Variants in UNC13C observed in about 807,000 individuals in gnomAD.
The protein encoded by UNC13C is protein unc-13 homolog C.
In UNC13C, 174 loss-of-function variants were observed where a neutral mutation model predicts 245.4. The ratio of observed to expected loss-of-function variants is 0.71; its 90% confidence interval spans 0.63 to 0.80. UNC13C has a LOEUF of 0.80. Among genes scored for constraint, UNC13C ranks in the 30% least tolerant of loss-of-function variants. The pLI is 0.00. For synonymous variants in UNC13C, 992 were observed against 895.1 expected (o/e 1.11, Z -1.93); for missense variants, 2,829 against 2,602.9 (o/e 1.09, Z -1.89).
rs1893516941 is a variant in UNC13C, at chr15:54,488,066, T to C, written c.4934-6542T>C. On this transcript the variant is annotated intron_variant, in intron 19 of 32. Transcript: ENST00000260323. ...TATAAAGTTTCTCTAAAATGGAAAA[T>C]GGCAACTCATCCTACCTTATTTTTT... is the stretch of plus-strand genomic sequence containing the variant. 2.0e-5 allele frequency among the ~76,000 whole-genome samples: 3 copies of C among 152,268 alleles called. 1 individual carries two copies. Among genetic ancestry groups the C allele is most frequent in the South Asian group, 4.1e-4 (2 of 4,828 alleles).
At chr15:54,479,402 T>G (rs1024726440) in intron 19 of UNC13C, among the ~76,000 whole-genome samples, 1 of 152,164 alleles carries the variant, frequency 6.6e-6, no homozygotes, top group African/African-American at 2.4e-5. Flanking sequence ...TCCTGCATGC[T>G]TTTGATTTCC....
At chr15:54,200,344 T>TG (rs112992738) in intron 4 of UNC13C, among the ~76,000 whole-genome samples, 2 of 152,146 alleles carry the variant, frequency 1.3e-5, no homozygotes, top group African/African-American at 4.8e-5. Flanking sequence ...AATAGATACT[T>TG]GCAGAACTTT....
chr15:54,303,111 G>T (rs1489655699), intron 13 of UNC13C, among the ~76,000 whole-genome samples: 1 of 152,094 alleles, frequency 6.6e-6, no homozygotes, highest in Non-Finnish European at 1.5e-5. Context: ...TTTGTTATTG[G>T]ATCCCTGACT....
chr15:54,626,698 CACTGATATCCTATTTGCCA>C, intron 32 of UNC13C, 111 bp from the exon 33 acceptor site: 1 of 838,538 alleles, frequency 1.2e-6, no homozygotes, highest in South Asian at 1.9e-5. Context: ...GGTTAAAATA[CACTGATATCCTATTTGCCA>C]ACATAATAAT....
At chr15:54,438,417 C>A (rs1890337880) in intron 19 of UNC13C, among the ~76,000 whole-genome samples, 1 of 151,958 alleles carries the variant, frequency 6.6e-6, no homozygotes, top group African/African-American at 2.4e-5. Flanking sequence ...TTGTCTAAGT[C>A]TTTGTGTTCA....
intron 4 of UNC13C, among the ~76,000 whole-genome samples, chr15:54,165,513 G>A (rs376646578): frequency 6.6e-6 from 1 of 152,072 alleles, no homozygotes; most frequent in African/African-American, 2.4e-5. Flanking sequence ...GACAGAGCTA[G>A]GTTCTGATTC....
At chr15:54,245,070 C>G (rs1321785143) in intron 7 of UNC13C, among the ~76,000 whole-genome samples, 1 of 152,080 alleles carries the variant, frequency 6.6e-6, no homozygotes, top group East Asian at 1.9e-4. Context: ...AATGCAGTCT[C>G]CACCCCAAGC....
the UNC13C span, among the ~76,000 whole-genome samples, chr15:53,939,991 T>C: frequency 6.6e-6 from 1 of 152,150 alleles, no homozygotes; most frequent in African/African-American, 2.4e-5. Flanking sequence ...GTGATGTTTA[T>C]GGTAGCAGCT....
intron 19 of UNC13C, among the ~76,000 whole-genome samples, chr15:54,493,472 G>C (rs1893813458): frequency 6.6e-6 from 1 of 151,720 alleles, no homozygotes; most frequent in Admixed American, 6.6e-5. Context: ...GGAAATGTTT[G>C]ACCTGGGGTT....
At chr15:54,465,551 A>G (rs1371597075) in intron 19 of UNC13C, among the ~76,000 whole-genome samples, 1 of 152,072 alleles carries the variant, frequency 6.6e-6, no homozygotes, top group African/African-American at 2.4e-5. Context: ...TTATTGAATT[A>G]TGAGAATTTG....
chr15:54,325,356 T>A (rs2038271803), intron 14 of UNC13C, among the ~76,000 whole-genome samples: 1 of 151,958 alleles, frequency 6.6e-6, no homozygotes, highest in African/African-American at 2.4e-5. Context: ...GCCACCTAGT[T>A]GGGTTATAGC....
At chr15:54,083,937 C>T (rs539338525) in intron 2 of UNC13C, among the ~76,000 whole-genome samples, 2 of 152,302 alleles carry the variant, frequency 1.3e-5, no homozygotes, top group South Asian at 4.1e-4. Context: ...AACCTCTGCG[C>T]GAACTCGCTA....
chr15:54,171,167 G>C (rs1020636676), intron 4 of UNC13C, among the ~76,000 whole-genome samples: 3 of 151,956 alleles, frequency 2.0e-5, no homozygotes, highest in Non-Finnish European at 4.4e-5. Context: ...CCAAACCCTA[G>C]GTTGCGAGCA....
chr15:54,539,205 T>C (rs1896130858), intron 26 of UNC13C, among the ~76,000 whole-genome samples: 1 of 152,088 alleles, frequency 6.6e-6, no homozygotes, highest in Non-Finnish European at 1.5e-5. Flanking sequence ...GGTTGCCTTC[T>C]TACTACATAA....
the UNC13C span, among the ~76,000 whole-genome samples, chr15:53,845,420 A>G: frequency 1.3e-5 from 2 of 152,190 alleles, no homozygotes; most frequent in African/African-American, 2.4e-5. Context: ...CCTCACAACT[A>G]GAATCAGAAG....
chr15:54,185,526 G>A (rs2033948118), intron 4 of UNC13C, among the ~76,000 whole-genome samples: 1 of 150,648 alleles, frequency 6.6e-6, no homozygotes, highest in South Asian at 2.1e-4. Context: ...ATTAAATAGG[G>A]AATCCTTTCC....
intron 22 of UNC13C, 107 bp from the exon 23 acceptor site, chr15:54,507,010 A>T (rs1029873540): frequency 1.5e-6 from 1 of 647,820 alleles, no homozygotes; most frequent in South Asian, 2.7e-5. Flanking sequence ...AAAAATGTAG[A>T]ACTAAGATGA....
intron 4 of UNC13C, among the ~76,000 whole-genome samples, chr15:54,199,144 GA>G (rs371691599): frequency 6.6e-6 from 1 of 151,970 alleles, no homozygotes; most frequent in East Asian, 1.9e-4. Context: ...CAAAGACAAA[GA>G]AAAAAGATTT....
At chr15:54,483,559 G>A (rs750868228) in intron 19 of UNC13C, among the ~76,000 whole-genome samples, 7 of 151,900 alleles carry the variant, frequency 4.6e-5, no homozygotes, top group Admixed American at 1.3e-4. Flanking sequence ...GCAGTGGCGC[G>A]ATCTCAGCTC....
Sources: allele counts gnomAD v4.1 joint callset (sites outside exome capture counted in the v4.1 genomes callset), GRCh38; gene constraint gnomAD v4.1.1; transcripts MANE v1.5; gene names NCBI Gene and HGNC (gene_info 2026-07-23, HGNC 2026-07-21).